Variants in SLC7A1 observed in about 807,000 individuals in gnomAD.
The protein encoded by SLC7A1 is solute carrier family 7 member 1.
In SLC7A1, 10 loss-of-function variants were observed where a neutral mutation model predicts 53.9. The ratio of observed to expected loss-of-function variants is 0.19; its 90% confidence interval spans 0.11 to 0.31. The LOEUF is 0.31. SLC7A1 is among the 10% of genes least tolerant of loss of function. The pLI is 1.00. For synonymous variants in SLC7A1, 342 were observed against 338.7 expected (o/e 1.01, Z -0.11); for missense variants, 525 against 827.2 (o/e 0.63, Z 4.48).
intron 1 of SLC7A1, among the ~76,000 whole-genome samples, chr13:29,569,101 GCTCT>G (rs1283022005): frequency 6.6e-6 from 1 of 152,120 alleles, no homozygotes; most frequent in Non-Finnish European, 1.5e-5. Context: ...AGGGCACCTG[GCTCT>G]CTGCCCCATG....
intron 11 of SLC7A1, among the ~76,000 whole-genome samples, chr13:29,516,602 G>C (rs536983513): frequency 2.6e-5 from 4 of 152,304 alleles, no homozygotes; most frequent in African/African-American, 9.6e-5. Flanking sequence ...TATTATTTGT[G>C]TAATCTAAAA....
Position 29,520,448 on chromosome 13 carries a change from A to G in SLC7A1, c.1190-899T>C, listed in dbSNP as rs143224103. Among the ~76,000 whole-genome samples, 1,127 of 152,358 alleles carry G rather than the reference A, an allele frequency of 7.4e-3. 8 individuals carry two copies. The highest frequency in any genetic ancestry group is 0.012 in the Non-Finnish European group (841 of 68,040). ...CATGTGAAGTCACTTCACGTGGAAGAAATCTGAAGAGTTGTTCTCAAACAA... is the reference window on the plus strand; with the variant it reads ...CATGTGAAGTCACTTCACGTGGAAGGAATCTGAAGAGTTGTTCTCAAACAA... On this transcript the variant is annotated intron_variant, in intron 8 of 12. Transcript: ENST00000380752.
At chr13:29,582,745 G>C (rs1343257539) in intron 1 of SLC7A1, among the ~76,000 whole-genome samples, 1 of 152,198 alleles carries the variant, frequency 6.6e-6, no homozygotes, top group South Asian at 2.1e-4. Flanking sequence ...TGCACGTGTG[G>C]TCTAGACAGT....
intron 2 of SLC7A1, among the ~76,000 whole-genome samples, chr13:29,543,880 T>C (rs9578106): frequency 0.11 from 16,703 of 151,776 alleles, 982 homozygotes; most frequent in Middle Eastern, 0.15. Context: ...GGAGAGGACA[T>C]GAGGCTCTAC....
At chr13:29,587,072 T>C (rs961281370) in intron 1 of SLC7A1, among the ~76,000 whole-genome samples, 2 of 151,600 alleles carry the variant, frequency 1.3e-5, no homozygotes, top group African/African-American at 4.9e-5. Context: ...GGGGCCGGAG[T>C]AGAAAAAACA....
At position 29,532,936 on chromosome 13, in the gene SLC7A1, C is replaced by G. The variant is rs1470492995; in HGVS notation, c.417G>C (p.Leu139=). ...ARAWSATFDE[L]IGRPIGEFSR... ...AGAACTCCCCGATGGGTCTGCCTAT[C>G]AGCTCGTCGAAGGTGGCGCTCCAGG... The change falls in exon 4 of 13, where the codon CTG becomes CTC. Residue 139 remains leucine, a synonymous_variant. Transcript: ENST00000380752. 1.2e-6 allele frequency: 2 copies of G among 1,614,030 alleles called. No individual in the cohort carries two copies. Among genetic ancestry groups the G allele is most frequent in the African/African-American group, 1.3e-5 (1 of 74,940 alleles).
At chr13:29,568,362 G>A (rs1871055219) in intron 1 of SLC7A1, among the ~76,000 whole-genome samples, 1 of 152,088 alleles carries the variant, frequency 6.6e-6, no homozygotes, top group African/African-American at 2.4e-5. Context: ...CTCATAAATG[G>A]AGCACCACCA....
Position 29,522,376 on chromosome 13 carries a change from T to G in SLC7A1, c.1130A>C (p.Asn377Thr), listed in dbSNP as rs758450860. The change falls in exon 8 of 13, where the codon AAC becomes ACC. Residue 377 changes from asparagine to threonine, a missense_variant. Physicochemically the swap from Asn to Thr is moderately conservative, Grantham distance 65 (BLOSUM62 0). Transcript: ENST00000380752. ...EDGLLFKFLA[N>T]VNDRTKTPII... ...TGGTGTTTTGGTCCTATCATTGACGTTGGCTAAGAATTTAAATAGCAGTCC... is the reference window on the plus strand; with the variant it reads ...TGGTGTTTTGGTCCTATCATTGACGGTGGCTAAGAATTTAAATAGCAGTCC... The G allele has an allele frequency of 1.2e-6, 2 of 1,614,214 alleles. No individual in the cohort carries two copies. The highest frequency in any genetic ancestry group is 1.7e-6 in the Non-Finnish European group (2 of 1,180,030).
chr13:29,523,736 C>T (rs1373993867), intron 6 of SLC7A1, among the ~76,000 whole-genome samples: 1 of 152,174 alleles, frequency 6.6e-6, no homozygotes, highest in Non-Finnish European at 1.5e-5. Context: ...GGTGATGCAG[C>T]CAAGGAAGAG....
Position 29,532,888 on chromosome 13 carries a change from G to T in SLC7A1, c.465C>A (p.Asn155Lys). 1.2e-6 allele frequency: 2 copies of T among 1,614,080 alleles called. No individual in the cohort carries two copies. Among genetic ancestry groups the T allele is most frequent in the Non-Finnish European group, 1.7e-6 (2 of 1,179,972 alleles). The change falls in exon 4 of 13, where the codon AAC becomes AAA. Residue 155 changes from asparagine (N) to lysine (K), a missense_variant. Transcript: ENST00000380752. ...GEFSRTHMTLNAPGVLAENPD... is the reference protein window; with the variant it reads ...GEFSRTHMTLKAPGVLAENPD... ...GGTTTTCAGCCAGCACGCCGGGGGC[G>T]TTCAGAGTCATGTGTGTCCGTGAGA... is the stretch of plus-strand genomic sequence containing the variant.
At chr13:29,577,625 T>C (rs1189551996) in intron 1 of SLC7A1, among the ~76,000 whole-genome samples, 2 of 152,240 alleles carry the variant, frequency 1.3e-5, no homozygotes, top group Non-Finnish European at 2.9e-5. Context: ...ACGTGCAGAA[T>C]GCAAGCCAGG....
intron 5 of SLC7A1, among the ~76,000 whole-genome samples, chr13:29,528,507 C>T (rs7336765): frequency 0.025 from 3,749 of 152,226 alleles, 156 homozygotes; most frequent in African/African-American, 0.085. Flanking sequence ...CCCATGCAAG[C>T]GGAAGCTCCT....
intron 1 of SLC7A1, among the ~76,000 whole-genome samples, chr13:29,589,975 C>T (rs990460538): frequency 6.6e-6 from 1 of 152,222 alleles, no homozygotes; most frequent in Non-Finnish European, 1.5e-5. Flanking sequence ...TAAGTGCTTG[C>T]AATGATTGAT....
intron 5 of SLC7A1, among the ~76,000 whole-genome samples, chr13:29,529,779 T>G (rs1346927454): frequency 6.6e-6 from 1 of 152,124 alleles, no homozygotes; most frequent in Non-Finnish European, 1.5e-5. Context: ...ACACACAAAA[T>G]CCAAGTCCCC....
chr13:29,542,630 C>G (rs1274478581), intron 2 of SLC7A1, among the ~76,000 whole-genome samples: 1 of 151,294 alleles, frequency 6.6e-6, no homozygotes, highest in African/African-American at 2.4e-5. Flanking sequence ...CTGCAGTGAA[C>G]CGTGATCACA....
intron 6 of SLC7A1, 146 bp downstream of exon 6, chr13:29,523,986 G>C: frequency 1.4e-6 from 1 of 730,194 alleles, no homozygotes; most frequent in East Asian, 2.7e-5. Context: ...GGGTGGGAGG[G>C]CTTGGCAGGA....
At position 29,517,624 on chromosome 13, in the gene SLC7A1, C is replaced by T; in HGVS notation, c.1459G>A (p.Glu487Lys). The change falls in exon 10 of 13, where the codon GAG becomes AAG. Residue 487 changes from glutamate to lysine, a missense_variant. Glu to Lys is a moderately conservative substitution (Grantham distance 56). This residue lies in a region of SLC7A1 where 122 missense variants were observed against 140.9 expected (regional missense o/e 0.87). Transcript: ENST00000380752. ...ATTAGCCCAGAGATTTTGGAAGGCT[C>T]CATGTTTTTGGGTGAGAGTATGGTT... ...LKTILSPKNM[E>K]PSKISGLIVN... 7 of 1,614,200 alleles carry T rather than the reference C, an allele frequency of 4.3e-6. No homozygotes were observed. The highest frequency in any genetic ancestry group is 5.1e-6 in the Non-Finnish European group (6 of 1,180,028).
chr13:29,526,662 T>C (rs1868906485), intron 5 of SLC7A1, among the ~76,000 whole-genome samples: 1 of 151,936 alleles, frequency 6.6e-6, no homozygotes, highest in Non-Finnish European at 1.5e-5. Flanking sequence ...CAGAAAGAGA[T>C]GAACTCACAG....
At chr13:29,572,486 G>A (rs982507394) in intron 1 of SLC7A1, among the ~76,000 whole-genome samples, 75 of 152,194 alleles carry the variant, frequency 4.9e-4, no homozygotes, top group Admixed American at 4.9e-3. Context: ...GCACCAGGGC[G>A]TGGGACTAGA....
Sources: allele counts gnomAD v4.1 joint callset (sites outside exome capture counted in the v4.1 genomes callset), GRCh38; gene constraint gnomAD v4.1.1; regional missense constraint gnomAD v4.1.1; transcripts MANE v1.5; gene names NCBI Gene and HGNC (gene_info 2026-07-23, HGNC 2026-07-21).